LHFPL6: variants seen among roughly 807,000 people sequenced by gnomAD.
The protein encoded by LHFPL6 is LHFPL tetraspan subfamily member 6 protein.
LHFPL6 carries 9 observed loss-of-function variants against 20.6 expected under a neutral mutation model. The observed-to-expected ratio is 0.44, with a 90% CI of 0.26 to 0.76. The LOEUF (loss-of-function observed/expected upper bound fraction) is 0.76. Ranked by LOEUF, LHFPL6 falls within the 30% of genes least tolerant of loss-of-function variation. The pLI is 0.20. For missense variants in LHFPL6, 218 were observed against 253.5 expected (o/e 0.86, Z 0.95); for synonymous variants, 105 against 98.7 (o/e 1.06, Z -0.38).
At position 39,594,692 on chromosome 13, in the gene LHFPL6, C is replaced by A. The variant is rs191761639; in HGVS notation, c.385+6140G>T. ...CATATGTTTATCACAGCACTATTCA[C>A]AAAAGCAAAGACTTGGAACCAACCC... On this transcript the variant is annotated intron_variant, in intron 2 of 3. Coordinates refer to ENST00000379589, the MANE Select transcript of LHFPL6 (RefSeq NM_005780.3). 9.1e-3 allele frequency among the ~76,000 whole-genome samples: 1,381 copies of A among 152,284 alleles called. 17 individuals carry two copies. Among genetic ancestry groups the A allele is most frequent in the African/African-American group, 0.032 (1,309 of 41,554 alleles).
At chr13:39,383,175 C>T (rs575377601) in intron 2 of LHFPL6, among the ~76,000 whole-genome samples, 1 of 152,166 alleles carries the variant, frequency 6.6e-6, no homozygotes, top group South Asian at 2.1e-4. Flanking sequence ...CAGTGACCTG[C>T]CCCCCTGCCC....
At chr13:39,392,747 T>C (rs1870741404) in intron 2 of LHFPL6, among the ~76,000 whole-genome samples, 1 of 152,106 alleles carries the variant, frequency 6.6e-6, no homozygotes, top group Non-Finnish European at 1.5e-5. Flanking sequence ...GAATACCAGT[T>C]GTATACCCAG....
chr13:39,562,870 C>G (rs1871586316), intron 2 of LHFPL6, among the ~76,000 whole-genome samples: 3 of 152,048 alleles, frequency 2.0e-5, no homozygotes, highest in Non-Finnish European at 4.4e-5. Flanking sequence ...TTTACACACT[C>G]TTCCTATTAT....
intron 2 of LHFPL6, among the ~76,000 whole-genome samples, chr13:39,535,552 T>C (rs1322124029): frequency 6.6e-6 from 1 of 152,216 alleles, no homozygotes; most frequent in Non-Finnish European, 1.5e-5. Context: ...AAGTGGCTAT[T>C]TTTGTAGGAA....
intron 2 of LHFPL6, among the ~76,000 whole-genome samples, chr13:39,527,655 T>C (rs990322817): frequency 6.6e-6 from 1 of 152,208 alleles, no homozygotes; most frequent in African/African-American, 2.4e-5. Flanking sequence ...CCTCGTTACT[T>C]AGCTTTTATA....
At chr13:39,453,334 A>G (rs752537385) in intron 2 of LHFPL6, among the ~76,000 whole-genome samples, 1 of 152,254 alleles carries the variant, frequency 6.6e-6, no homozygotes, top group Non-Finnish European at 1.5e-5. Flanking sequence ...AGGCAAATTA[A>G]GAGGATGAAT....
At chr13:39,407,506 C>T (rs1871143148) in intron 2 of LHFPL6, among the ~76,000 whole-genome samples, 1 of 152,176 alleles carries the variant, frequency 6.6e-6, no homozygotes, top group East Asian at 1.9e-4. Context: ...ATGGGCCAAA[C>T]ATCTTAGAAA....
chr13:39,532,680 T>C (rs1870500749), intron 2 of LHFPL6, among the ~76,000 whole-genome samples: 1 of 152,126 alleles, frequency 6.6e-6, no homozygotes, highest in African/African-American at 2.4e-5. Flanking sequence ...AGACAGAATG[T>C]TTTCTAGACT....
chr13:39,451,134 T>C (rs568794078), intron 2 of LHFPL6, among the ~76,000 whole-genome samples: 4 of 151,846 alleles, frequency 2.6e-5, no homozygotes, highest in African/African-American at 9.7e-5. Context: ...AAATGGAAAC[T>C]TGTCAGGTTT....
intron 2 of LHFPL6, among the ~76,000 whole-genome samples, chr13:39,564,086 A>C (rs1397624171): frequency 6.6e-6 from 1 of 150,904 alleles, no homozygotes; most frequent in Non-Finnish European, 1.5e-5. Flanking sequence ...GAGTCATTAA[A>C]TCCAGGAGAT....
intron 2 of LHFPL6, among the ~76,000 whole-genome samples, chr13:39,587,639 C>T (rs1245446991): frequency 6.6e-6 from 1 of 152,052 alleles, no homozygotes. Flanking sequence ...CCGAAACCAT[C>T]CTAGATATTT....
In LHFPL6 at chr13:39,601,370, C is replaced by CTTTAG; in HGVS notation, c.-155_-154insCTAAA. 1 of 656,890 alleles carries CTTTAG rather than the reference C, an allele frequency of 1.5e-6. No individual in the cohort carries two copies. The highest frequency in any genetic ancestry group is 2.4e-6 in the Non-Finnish European group (1 of 412,762). 40.7% of individuals were successfully genotyped at this position (656,890 alleles called of 1,614,324 possible). Reference sequence around the variant, plus strand: ...TTACTGGGCATCAACTTTCCATCCTCTGCACTAAAGATGATGGTCCCTGGT... The same window carrying CTTTAG: ...TTACTGGGCATCAACTTTCCATCCTCTTTAGTGCACTAAAGATGATGGTCCCTGGT... On this transcript the variant is annotated 5_prime_UTR_variant, in exon 2 of 4. Transcript: ENST00000379589.
Position 39,529,934 on chromosome 13 carries a change from TA to T in LHFPL6, c.385+70897del, listed in dbSNP as rs1870411845. 9.8e-5 allele frequency among the ~76,000 whole-genome samples: 15 copies of T among 152,344 alleles called. No individual in the cohort carries two copies. The South Asian group carries it at 3.1e-3, about 32-fold the overall frequency. On this transcript the variant is annotated intron_variant, in intron 2 of 3. Coordinates refer to ENST00000379589, the MANE Select transcript of LHFPL6 (RefSeq NM_005780.3). ...CGAAGTGTCAAGAAGAAAAAGGTTT[TA>T]TGAAAGAGAAAATTTTATTCTGAAG...
Position 39,582,152 on chromosome 13 carries a change from C to G in LHFPL6, c.385+18680G>C, listed in dbSNP as rs141990630. 2.0e-4 allele frequency among the ~76,000 whole-genome samples: 30 copies of G among 152,290 alleles called. No homozygotes were observed. The East Asian group carries it at 5.4e-3, about 27-fold the overall frequency. On this transcript the variant is annotated intron_variant, in intron 2 of 3. Coordinates refer to ENST00000379589, the MANE Select transcript of LHFPL6 (RefSeq NM_005780.3). ...AGGCCTCCTGTAGACACATCAGTCT[C>G]CAAAAGCAGCGGCCTCATTCTACGA...
intron 2 of LHFPL6, among the ~76,000 whole-genome samples, chr13:39,406,340 A>G (rs1029831201): frequency 6.6e-6 from 1 of 152,234 alleles, no homozygotes; most frequent in African/African-American, 2.4e-5. Flanking sequence ...AATCCAACTT[A>G]AAATATTTTA....
At chr13:39,385,120 C>T (rs1368597508) in intron 2 of LHFPL6, among the ~76,000 whole-genome samples, 1 of 152,194 alleles carries the variant, frequency 6.6e-6, no homozygotes. Context: ...TCTACCAGCA[C>T]TTTGCTGCAA....
At chr13:39,466,756 C>T (rs955657827) in intron 2 of LHFPL6, among the ~76,000 whole-genome samples, 2 of 152,208 alleles carry the variant, frequency 1.3e-5, no homozygotes, top group African/African-American at 4.8e-5. Flanking sequence ...GAAGACTTTG[C>T]ACTTCATCGG....
chr13:39,448,857 T>C (rs1872364546), intron 2 of LHFPL6, among the ~76,000 whole-genome samples: 1 of 152,234 alleles, frequency 6.6e-6, no homozygotes, highest in Admixed American at 6.5e-5. Flanking sequence ...AAGAGTAATA[T>C]TCTACTTTGT....
chr13:39,413,509 T>G (rs1308066967), intron 2 of LHFPL6, among the ~76,000 whole-genome samples: 1 of 150,732 alleles, frequency 6.6e-6, no homozygotes, highest in Non-Finnish European at 1.5e-5. Context: ...GGCCTCAACC[T>G]CTCTGCTCAA....
Sources: allele counts gnomAD v4.1 joint callset (sites outside exome capture counted in the v4.1 genomes callset), GRCh38; gene constraint gnomAD v4.1.1; transcripts MANE v1.5; gene names NCBI Gene and HGNC (gene_info 2026-07-23, HGNC 2026-07-21).